The following MGAT4C variants were observed in gnomAD, a reference collection of about 807,000 sequenced individuals.
The protein encoded by MGAT4C is alpha-1,3-mannosyl-glycoprotein 4-beta-N-acetylglucosaminyltransferase C.
In MGAT4C, 19 loss-of-function variants were observed where a neutral mutation model predicts 40.1. The ratio of observed to expected loss-of-function variants is 0.47; its 90% confidence interval spans 0.33 to 0.70. MGAT4C has a LOEUF of 0.70. Ranked by LOEUF, MGAT4C falls within the 30% of genes least tolerant of loss-of-function variation. The pLI is 0.02. For synonymous variants in MGAT4C, 181 were observed against 187.1 expected, an observed-to-expected ratio of 0.97 and a Z score of 0.27; for missense variants, 491 against 563.2, an observed-to-expected ratio of 0.87 and a Z score of 1.30.
At chr12:86,672,474 A>C (rs1413288183) in intron 2 of MGAT4C, among the ~76,000 whole-genome samples, 1 of 152,124 alleles carries the variant, frequency 6.6e-6, no homozygotes, top group African/African-American at 2.4e-5. Context: ...AATGCAAAAC[A>C]CCAACAAAAT....
intron 2 of MGAT4C, among the ~76,000 whole-genome samples, chr12:86,634,768 C>T (rs1240266639): frequency 6.6e-6 from 1 of 152,114 alleles, no homozygotes; most frequent in Non-Finnish European, 1.5e-5. Flanking sequence ...CTGTCTTATT[C>T]CTGTCTGCAA....
intron 4 of MGAT4C, among the ~76,000 whole-genome samples, chr12:86,262,932 A>G (rs1410351231): frequency 1.3e-5 from 2 of 152,084 alleles, no homozygotes; most frequent in Non-Finnish European, 2.9e-5. Flanking sequence ...TTATTCCTAG[A>G]TATAGTAATG....
intron 1 of MGAT4C, among the ~76,000 whole-genome samples, chr12:86,219,711 C>CT (rs1950810279): frequency 6.6e-6 from 1 of 152,108 alleles, no homozygotes; most frequent in Admixed American, 6.5e-5. Context: ...GTGAAGCAAA[C>CT]TGAATCAATT....
chr12:85,971,959 TTGACTA>T lies in MGAT4C; in HGVS notation c.*7324_*7329del, dbSNP rs1477116252. The T allele has an allele frequency of 2.6e-5, 4 of 151,198 alleles. No individual in the cohort carries two copies. The highest frequency in any genetic ancestry group is 9.7e-5 in the African/African-American group (4 of 41,356). The allele number at this position is 151,198 out of a possible 1,614,324, so 9.4% of individuals were successfully genotyped here. A position where few individuals can be genotyped will look rare whatever the true frequency, so the allele number is the denominator to read the frequency against. ...TCAGGGTGAATGTGTCTTTTCTACT[TTGACTA>T]TATTTACCATTGACTACAGTAACTC... is the stretch of plus-strand genomic sequence containing the variant. On this transcript the variant is annotated 3_prime_UTR_variant, in exon 5 of 5. Transcript: ENST00000611864.
chr12:86,317,822 T>C (rs1954281722), intron 4 of MGAT4C, among the ~76,000 whole-genome samples: 1 of 151,584 alleles, frequency 6.6e-6, no homozygotes, highest in African/African-American at 2.4e-5. Context: ...TTCGAGGTTC[T>C]ATGGTCTAAC....
intron 4 of MGAT4C, among the ~76,000 whole-genome samples, chr12:86,271,160 A>C (rs1952935853): frequency 6.6e-6 from 1 of 152,196 alleles, no homozygotes; most frequent in Non-Finnish European, 1.5e-5. Flanking sequence ...AAAAACAGAC[A>C]AGTGGGGCTA....
intron 3 of MGAT4C, among the ~76,000 whole-genome samples, chr12:86,406,069 T>TTA (rs1432733698): frequency 2.1e-5 from 3 of 145,536 alleles, no homozygotes; most frequent in African/African-American, 2.5e-5. Flanking sequence ...ACAGTAATTT[T>TTA]TATATATATA....
intron 2 of MGAT4C, among the ~76,000 whole-genome samples, chr12:86,612,773 A>G (rs1439361071): frequency 6.6e-6 from 1 of 151,438 alleles, no homozygotes; most frequent in Non-Finnish European, 1.5e-5. Context: ...TAGATGTTAC[A>G]TACCGCCCCT....
chr12:86,059,630 A>G (rs761098627), intron 1 of MGAT4C, among the ~76,000 whole-genome samples: 1 of 152,180 alleles, frequency 6.6e-6, no homozygotes, highest in South Asian at 2.1e-4. Flanking sequence ...AAAAGCCTCA[A>G]TCTGAAGTGG....
intron 4 of MGAT4C, among the ~76,000 whole-genome samples, chr12:86,324,494 T>C (rs140231645): frequency 2.6e-5 from 4 of 152,064 alleles, no homozygotes; most frequent in African/African-American, 9.6e-5. Flanking sequence ...AATTTAGTAG[T>C]AGATTATATT....
At chr12:86,390,292 TTG>T (rs1956140310) in intron 3 of MGAT4C, among the ~76,000 whole-genome samples, 1 of 152,214 alleles carries the variant, frequency 6.6e-6, no homozygotes, top group African/African-American at 2.4e-5. Context: ...TGGAGTACTA[TTG>T]TTAAGAAACT....
chr12:86,571,572 G>T (rs4514495), intron 2 of MGAT4C, among the ~76,000 whole-genome samples: 151,648 of 152,212 alleles, frequency 1, 75,543 homozygotes, highest in Middle Eastern at 1. Context: ...AAATAAAGGG[G>T]ATACTCTTTA....
intron 1 of MGAT4C, among the ~76,000 whole-genome samples, chr12:86,096,940 G>A (rs945461786): frequency 1.3e-5 from 2 of 150,852 alleles, no homozygotes; most frequent in Non-Finnish European, 3.0e-5. Flanking sequence ...TTAATATCTC[G>A]GACTTAGTTC....
At chr12:86,644,309 T>C (rs2136525759) in intron 2 of MGAT4C, among the ~76,000 whole-genome samples, 1 of 151,880 alleles carries the variant, frequency 6.6e-6, no homozygotes, top group African/African-American at 2.4e-5. Context: ...AAGAGGATAT[T>C]CAAATGTCAG....
chr12:86,569,674 A>G (rs921013261), intron 2 of MGAT4C, among the ~76,000 whole-genome samples: 7 of 152,124 alleles, frequency 4.6e-5, no homozygotes, highest in South Asian at 4.1e-4. Context: ...AAATTGGGCA[A>G]TTCTACTTCT....
chr12:86,166,802 T>TA (rs1396101427), intron 1 of MGAT4C, among the ~76,000 whole-genome samples: 1 of 152,044 alleles, frequency 6.6e-6, no homozygotes, highest in African/African-American at 2.4e-5. Flanking sequence ...ATAACGTACA[T>TA]AAAAAATTAA....
intron 1 of MGAT4C, among the ~76,000 whole-genome samples, chr12:86,801,024 C>A (rs1481564578): frequency 6.6e-6 from 1 of 151,898 alleles, no homozygotes; most frequent in Non-Finnish European, 1.5e-5. Context: ...CCTCTTAGGT[C>A]TGTTTAACTA....
At chr12:86,561,635 AT>A (rs1276248131) in intron 2 of MGAT4C, among the ~76,000 whole-genome samples, 4 of 152,180 alleles carry the variant, frequency 2.6e-5, no homozygotes, top group African/African-American at 4.8e-5. Context: ...TAATTTTGAG[AT>A]TTTGGGACTG....
chr12:86,134,467 G>C (rs945967725), intron 1 of MGAT4C, among the ~76,000 whole-genome samples: 1 of 151,992 alleles, frequency 6.6e-6, no homozygotes, highest in Non-Finnish European at 1.5e-5. Context: ...GTTGTAAGTA[G>C]GGTTTATAAA....
Sources: allele counts gnomAD v4.1 joint callset (sites outside exome capture counted in the v4.1 genomes callset), GRCh38; gene constraint gnomAD v4.1.1; transcripts MANE v1.5; gene names NCBI Gene and HGNC (gene_info 2026-07-23, HGNC 2026-07-21).